Variants in MAGI2 observed in about 807,000 individuals in gnomAD.
The protein encoded by MAGI2 is membrane-associated guanylate kinase, WW and PDZ domain-containing protein 2.
In MAGI2, 35 loss-of-function variants were observed where a neutral mutation model predicts 133.3. The observed-to-expected ratio is 0.26, with a 90% CI of 0.20 to 0.35. The LOEUF (loss-of-function observed/expected upper bound fraction) is 0.35, where lower values mean the gene tolerates loss of function less well. Among genes scored for constraint, MAGI2 ranks in the 10% least tolerant of loss-of-function variants. MAGI2 has a pLI of 1.00. For synonymous variants in MAGI2, 729 were observed against 710.6 expected (o/e 1.03, Z -0.41); for missense variants, 1,636 against 1,863.4 (o/e 0.88, Z 2.25).
At chr7:78,992,361 T>C (rs183642134) in intron 2 of MAGI2, among the ~76,000 whole-genome samples, 371 of 152,202 alleles carry the variant, frequency 2.4e-3, no homozygotes, top group South Asian at 5.0e-3. Flanking sequence ...GTGTACATAA[T>C]AGCTCTCATG....
intron 2 of MAGI2, among the ~76,000 whole-genome samples, chr7:78,976,206 A>T (rs1276151233): frequency 6.6e-6 from 1 of 151,632 alleles, no homozygotes; most frequent in Non-Finnish European, 1.5e-5. Context: ...CACATCAAAA[A>T]TGTATAAAAT....
chr7:78,207,424 C>T (rs547955383), intron 10 of MAGI2, among the ~76,000 whole-genome samples: 1 of 152,258 alleles, frequency 6.6e-6, no homozygotes, highest in African/African-American at 2.4e-5. Flanking sequence ...AAAAATACCA[C>T]TAATAAAATT....
chr7:79,290,326 T>C (rs1563082309), intron 1 of MAGI2, among the ~76,000 whole-genome samples: 1 of 143,744 alleles, frequency 7.0e-6, no homozygotes, highest in Non-Finnish European at 1.5e-5. Context: ...GCTATCTTAA[T>C]ATGATTAATA....
chr7:78,602,038 A>G (rs1805260166), intron 3 of MAGI2, among the ~76,000 whole-genome samples: 1 of 152,156 alleles, frequency 6.6e-6, no homozygotes, highest in Non-Finnish European at 1.5e-5. Flanking sequence ...CTACTGCCCA[A>G]CTGTTTTAAG....
At chr7:78,573,365 A>AAAAAAAATATATATATAT (rs1320390413) in intron 3 of MAGI2, among the ~76,000 whole-genome samples, 1 of 29,048 alleles carries the variant, frequency 3.4e-5, no homozygotes, top group African/African-American at 1.8e-4. Flanking sequence ...GAATCCTGGA[A>AAAAAAAATATATATATAT]ATATATATAT....
At chr7:78,440,921 C>A (rs1787558477) in intron 6 of MAGI2, among the ~76,000 whole-genome samples, 1 of 152,016 alleles carries the variant, frequency 6.6e-6, no homozygotes, top group Non-Finnish European at 1.5e-5. Context: ...CCACTGCACT[C>A]CCACCTGGCA....
intron 3 of MAGI2, among the ~76,000 whole-genome samples, chr7:78,610,897 C>T (rs973292984): frequency 2.6e-5 from 4 of 152,186 alleles, no homozygotes; most frequent in East Asian, 1.9e-4. Context: ...TGACTGAATA[C>T]ATTCCCAATG....
chr7:78,239,902 G>T (rs899068765), intron 10 of MAGI2, among the ~76,000 whole-genome samples: 2 of 152,122 alleles, frequency 1.3e-5, no homozygotes, highest in African/African-American at 4.8e-5. Flanking sequence ...CCACCACTAG[G>T]TATATATCTG....
chr7:78,103,049 T>C (rs144334890), intron 20 of MAGI2, among the ~76,000 whole-genome samples: 7 of 152,310 alleles, frequency 4.6e-5, no homozygotes, highest in African/African-American at 1.4e-4. Context: ...GAATTCCTCC[T>C]CTCTTTCCTC....
At chr7:78,495,445 T>G (rs1467883876) in intron 5 of MAGI2, among the ~76,000 whole-genome samples, 1 of 152,208 alleles carries the variant, frequency 6.6e-6, no homozygotes, top group Non-Finnish European at 1.5e-5. Context: ...TACACCATAG[T>G]CAATAAAATC....
intron 1 of MAGI2, among the ~76,000 whole-genome samples, chr7:79,141,184 G>A (rs1029163571): frequency 2.0e-5 from 3 of 152,062 alleles, no homozygotes; most frequent in Non-Finnish European, 4.4e-5. Flanking sequence ...TCAAAAACCT[G>A]GATTGTTTTC....
chr7:78,070,208 TATATATATATACACAC>T (rs1273853179), intron 21 of MAGI2, among the ~76,000 whole-genome samples: 874 of 48,656 alleles, frequency 0.018, 19 homozygotes, highest in East Asian at 0.14. Flanking sequence ...TATATATATA[TATATATATATACACAC>T]ACACACACAG....
chr7:78,671,749 T>C (rs1814418173), intron 2 of MAGI2, among the ~76,000 whole-genome samples: 1 of 152,190 alleles, frequency 6.6e-6, no homozygotes, highest in Non-Finnish European at 1.5e-5. Flanking sequence ...ATGCCCTCTT[T>C]AAAACCAATA....
chr7:78,650,498 A>G (rs1811443263), intron 2 of MAGI2, among the ~76,000 whole-genome samples: 2 of 152,178 alleles, frequency 1.3e-5, no homozygotes, highest in African/African-American at 4.8e-5. Context: ...GAACTAAACC[A>G]GGAGAAACAG....
chr7:78,916,720 C>G (rs1798824732), intron 2 of MAGI2, among the ~76,000 whole-genome samples: 1 of 152,032 alleles, frequency 6.6e-6, no homozygotes, highest in East Asian at 1.9e-4. Context: ...GTATGTCATT[C>G]TTTGACAGCC....
chr7:78,849,949 A>G lies in MAGI2; in HGVS notation c.418+157141T>C, dbSNP rs28578976. 7.9e-3 allele frequency among the ~76,000 whole-genome samples: 1,201 copies of G among 152,208 alleles called. 20 individuals carry two copies. The highest frequency in any genetic ancestry group is 0.027 in the African/African-American group (1,134 of 41,552). ...TCATCTTGACTTACTCTTAAACTAT[A>G]AGAAACTTTGCAGATTACCAAATTA... On this transcript the variant is annotated intron_variant, in intron 2 of 21. Transcript: ENST00000354212.
intron 3 of MAGI2, among the ~76,000 whole-genome samples, chr7:78,544,834 C>G (rs1798687270): frequency 6.6e-6 from 1 of 150,400 alleles, no homozygotes; most frequent in Admixed American, 6.6e-5. Flanking sequence ...AACTCCATCT[C>G]AAAAAAAATA....
At chr7:78,362,806 A>G (rs1251403252) in intron 7 of MAGI2, among the ~76,000 whole-genome samples, 2 of 152,234 alleles carry the variant, frequency 1.3e-5, no homozygotes, top group African/African-American at 4.8e-5. Context: ...GTTGTAAAGT[A>G]TAAAAATTGA....
intron 20 of MAGI2, among the ~76,000 whole-genome samples, chr7:78,122,125 C>T (rs1403844617): frequency 6.6e-6 from 1 of 152,080 alleles, no homozygotes; most frequent in Non-Finnish European, 1.5e-5. Flanking sequence ...AGGTGGTTCC[C>T]TCTGAGGGCT....
Sources: gnomAD v4.1 joint callset for allele counts (sites outside exome capture counted in the v4.1 genomes callset) on GRCh38, gnomAD v4.1.1 for gene constraint, MANE v1.5 for transcripts, NCBI Gene and HGNC (gene_info 2026-07-23, HGNC 2026-07-21) for gene names.